The following CUX2 variants were observed in gnomAD, a reference collection of about 807,000 sequenced individuals.
CUX2 encodes the protein cut like homeobox 2.
CUX2 carries 40 observed loss-of-function variants against 144.8 expected under a neutral mutation model. The ratio of observed to expected loss-of-function variants is 0.28; its 90% CI spans 0.21 to 0.36. CUX2 has a LOEUF of 0.36. Ranked by LOEUF, CUX2 falls within the 10% of genes least tolerant of loss-of-function variation. The pLI, the probability that CUX2 is intolerant of heterozygous loss-of-function variation, is 1.00. For missense variants in CUX2, 1,615 were observed against 1,994.0 expected (o/e 0.81, Z 3.62); for synonymous variants, 827 against 875.6 (o/e 0.94, Z 0.98).
At chr12:111,342,238 G>A (rs1348107525) in intron 21 of CUX2, among the ~76,000 whole-genome samples, 185 bp downstream of exon 21, 1 of 152,158 alleles carries the variant, frequency 6.6e-6, no homozygotes, top group Non-Finnish European at 1.5e-5. Flanking sequence ...AGCACTTTGG[G>A]AGGCCAAGGT....
At chr12:111,192,750 A>C (rs1475247086) in intron 1 of CUX2, among the ~76,000 whole-genome samples, 1 of 152,202 alleles carries the variant, frequency 6.6e-6, no homozygotes, top group East Asian at 1.9e-4. Flanking sequence ...GGGGTTTGCA[A>C]GATCAAATTA....
At chr12:111,040,105 A>G (rs1331604845) in intron 1 of CUX2, among the ~76,000 whole-genome samples, 2 of 151,428 alleles carry the variant, frequency 1.3e-5, no homozygotes, top group Non-Finnish European at 2.9e-5. Flanking sequence ...TGGGCAACAT[A>G]GTGATACCCC....
chr12:111,102,973 A>G (rs1409576172), intron 1 of CUX2, among the ~76,000 whole-genome samples: 1 of 152,196 alleles, frequency 6.6e-6, no homozygotes, highest in Non-Finnish European at 1.5e-5. Context: ...GGATGCCTTG[A>G]TGTTTACAGA....
intron 3 of CUX2, among the ~76,000 whole-genome samples, chr12:111,234,918 C>T (rs1882663316): frequency 6.6e-6 from 1 of 152,072 alleles, no homozygotes; most frequent in South Asian, 2.1e-4. Context: ...GGGGTTTGGC[C>T]ATTTTGGCCA....
At position 111,348,396 on chromosome 12, in the gene CUX2, G is replaced by A. The variant is rs1592996388; in HGVS notation, c.*71G>A. The A allele has an allele frequency of 1.4e-6, 2 of 1,399,952 alleles. No individual in the cohort carries two copies. Among genetic ancestry groups the A allele is most frequent in the Non-Finnish European group, 2.0e-6 (2 of 1,015,816 alleles). 86.7% of individuals were successfully genotyped at this position (1,399,952 alleles called of 1,614,324 possible). On this transcript the variant is annotated 3_prime_UTR_variant, in exon 22 of 22. Coordinates refer to ENST00000261726, the MANE Select transcript of CUX2 (RefSeq NM_015267.4). ...TTCTCGCACTTACTCTCCTCAACAGGATGGGGTAAGGGAGGGAGGAACTCA... is the reference window on the plus strand; with the variant it reads ...TTCTCGCACTTACTCTCCTCAACAGAATGGGGTAAGGGAGGGAGGAACTCA...
At chr12:111,325,151 G>A (rs542455331) in intron 18 of CUX2, among the ~76,000 whole-genome samples, 8 of 151,774 alleles carry the variant, frequency 5.3e-5, no homozygotes, top group Admixed American at 5.3e-4. Flanking sequence ...AAAATTATCC[G>A]GGCGTGGTGG....
chr12:111,189,901 G>A (rs989899353), intron 1 of CUX2, among the ~76,000 whole-genome samples: 1 of 152,184 alleles, frequency 6.6e-6, no homozygotes, highest in Admixed American at 6.5e-5. Flanking sequence ...TTTAGCTTTA[G>A]TAGACGCTGC....
chr12:111,060,462 A>G (rs1234192757), intron 1 of CUX2, among the ~76,000 whole-genome samples: 1 of 152,244 alleles, frequency 6.6e-6, no homozygotes, highest in Non-Finnish European at 1.5e-5. Flanking sequence ...CCCCATAATA[A>G]TGCACATCAT....
chr12:111,107,944 G>A (rs1432216760), intron 1 of CUX2, among the ~76,000 whole-genome samples: 1 of 152,126 alleles, frequency 6.6e-6, no homozygotes, highest in African/African-American at 2.4e-5. Flanking sequence ...ATTACATAAT[G>A]GACTGACCTG....
At chr12:111,102,395 A>C (rs1253961087) in intron 1 of CUX2, among the ~76,000 whole-genome samples, 3 of 152,158 alleles carry the variant, frequency 2.0e-5, no homozygotes, top group African/African-American at 7.2e-5. Context: ...TGTTTTGTGC[A>C]CTTGTCCAAA....
At chr12:111,268,620 A>G (rs1321028430) in intron 4 of CUX2, among the ~76,000 whole-genome samples, 1 of 152,250 alleles carries the variant, frequency 6.6e-6, no homozygotes, top group Non-Finnish European at 1.5e-5. Flanking sequence ...CTGCGAGGAC[A>G]TGGCGCTATG....
At chr12:111,313,849 A>G (rs1307025943) in intron 16 of CUX2, among the ~76,000 whole-genome samples, 2 of 152,168 alleles carry the variant, frequency 1.3e-5, no homozygotes, top group Admixed American at 6.5e-5. Context: ...TCTTGCAGCC[A>G]GGGACCGAGT....
At chr12:111,308,941 G>C (rs1886737790) in intron 14 of CUX2, among the ~76,000 whole-genome samples, 1 of 152,054 alleles carries the variant, frequency 6.6e-6, no homozygotes, top group Non-Finnish European at 1.5e-5. Context: ...GTCTCTCTCT[G>C]TCGCCCAGGC....
At chr12:111,094,295 C>T (rs1388475186) in intron 1 of CUX2, among the ~76,000 whole-genome samples, 1 of 152,216 alleles carries the variant, frequency 6.6e-6, no homozygotes, top group Admixed American at 6.5e-5. Context: ...CCGGTGTGAG[C>T]AGCCCTGGCC....
chr12:111,047,600 G>T (rs1334513074), intron 1 of CUX2, among the ~76,000 whole-genome samples: 1 of 152,108 alleles, frequency 6.6e-6, no homozygotes, highest in Non-Finnish European at 1.5e-5. Context: ...TTGCAGCTGA[G>T]GCTACTGAGG....
At chr12:111,228,092 A>G (rs532052154) in intron 3 of CUX2, among the ~76,000 whole-genome samples, 21 of 152,208 alleles carry the variant, frequency 1.4e-4, no homozygotes, top group Non-Finnish European at 2.9e-4. Flanking sequence ...CTATATGCAG[A>G]CCCTGTGCAG....
At chr12:111,191,082 G>T (rs1050657388) in intron 1 of CUX2, among the ~76,000 whole-genome samples, 1 of 152,172 alleles carries the variant, frequency 6.6e-6, no homozygotes, top group African/African-American at 2.4e-5. Context: ...CTCTGCAGGG[G>T]CTGGATCTGC....
intron 21 of CUX2, 41 bp from the exon 22 acceptor site, chr12:111,347,483 T>G: frequency 6.6e-7 from 1 of 1,523,604 alleles, no homozygotes; most frequent in Non-Finnish European, 8.8e-7. Context: ...GGTTTGGGAG[T>G]CCCCTGTCCA....
At chr12:111,069,823 C>G (rs766303215) in intron 1 of CUX2, among the ~76,000 whole-genome samples, 22 of 152,142 alleles carry the variant, frequency 1.4e-4, no homozygotes, top group Non-Finnish European at 2.8e-4. Flanking sequence ...AGTCTCCAAA[C>G]ACACATTCTG....
Sources: gnomAD v4.1 joint callset for allele counts (sites outside exome capture counted in the v4.1 genomes callset) on GRCh38, gnomAD v4.1.1 for gene constraint, MANE v1.5 for transcripts, NCBI Gene and HGNC (gene_info 2026-07-23, HGNC 2026-07-21) for gene names.